Variants in RBFOX1 observed in about 807,000 individuals in gnomAD.
RBFOX1 encodes the protein RNA binding fox-1 homolog 1, also known as RNA binding protein fox-1 homolog 1.
A neutral mutation model predicts 57.7 loss-of-function variants in RBFOX1; 8 were observed. That is an observed-to-expected ratio of 0.14 (90% CI 0.08 to 0.25). The LOEUF is 0.25. Ranked by LOEUF, RBFOX1 falls within the 10% of genes least tolerant of loss-of-function variation. The probability of loss-of-function intolerance (pLI) is 1.00; values close to 1 mark genes in which losing one functional copy is unlikely to be tolerated. For synonymous variants in RBFOX1, 326 were observed against 222.4 expected (o/e 1.47, Z -4.15); for missense variants, 611 against 548.5 (o/e 1.11, Z -1.14).
intron 1 of RBFOX1, among the ~76,000 whole-genome samples, chr16:5,327,914 A>G (rs2064630540): frequency 6.6e-6 from 1 of 152,158 alleles, no homozygotes; most frequent in Non-Finnish European, 1.5e-5. Flanking sequence ...AAATGGTTGT[A>G]TCCCTTTCTG....
At chr16:5,313,869 A>G (rs1220327563) in intron 1 of RBFOX1, among the ~76,000 whole-genome samples, 2 of 152,116 alleles carry the variant, frequency 1.3e-5, no homozygotes, top group Non-Finnish European at 2.9e-5. Flanking sequence ...AACCATTTCA[A>G]AGACTTATGG....
chr16:6,565,923 GT>G (rs2153936136), intron 2 of RBFOX1, among the ~76,000 whole-genome samples: 1 of 152,282 alleles, frequency 6.6e-6, no homozygotes, highest in South Asian at 2.1e-4. Flanking sequence ...AATGTGCTTT[GT>G]TTTTGTTTTT....
At chr16:6,070,491 AT>A (rs2095822713) in intron 1 of RBFOX1, among the ~76,000 whole-genome samples, 1 of 152,204 alleles carries the variant, frequency 6.6e-6, no homozygotes, top group Non-Finnish European at 1.5e-5. Context: ...ACACTCAAAT[AT>A]CCCATTTCAA....
intron 4 of RBFOX1, among the ~76,000 whole-genome samples, chr16:7,078,000 G>C (rs952941361): frequency 6.6e-6 from 1 of 152,078 alleles, no homozygotes; most frequent in African/African-American, 2.4e-5. Flanking sequence ...TCTGGGGCCC[G>C]GTGAATGGAG....
chr16:6,760,069 G>C (rs1434415545), intron 3 of RBFOX1, among the ~76,000 whole-genome samples: 3 of 152,124 alleles, frequency 2.0e-5, no homozygotes, highest in African/African-American at 7.2e-5. Context: ...ATGGCTCGGG[G>C]AGTCCAAACT....
chr16:7,052,397 A>C (rs917973079), intron 4 of RBFOX1, among the ~76,000 whole-genome samples: 2 of 152,360 alleles, frequency 1.3e-5, no homozygotes, highest in Admixed American at 1.3e-4. Flanking sequence ...CACGAGGTCT[A>C]AGTAATAACA....
At chr16:6,641,915 G>A (rs1471031810) in intron 2 of RBFOX1, among the ~76,000 whole-genome samples, 1 of 152,038 alleles carries the variant, frequency 6.6e-6, no homozygotes, top group Non-Finnish European at 1.5e-5. Flanking sequence ...CCCAGTTAGG[G>A]CTTCTTCCAG....
intron 4 of RBFOX1, among the ~76,000 whole-genome samples, chr16:7,148,815 G>C (rs1245275301): frequency 1.3e-5 from 2 of 152,194 alleles, no homozygotes; most frequent in East Asian, 3.9e-4. Context: ...CTTGCCCTCA[G>C]ACAGGCTCTG....
chr16:6,634,698 TAC>T (rs375224280), intron 2 of RBFOX1, among the ~76,000 whole-genome samples: 2 of 36,316 alleles, frequency 5.5e-5, no homozygotes, highest in African/African-American at 1.1e-4. Context: ...AATACAAAGA[TAC>T]ATATTTGTAT....
intron 3 of RBFOX1, among the ~76,000 whole-genome samples, chr16:6,808,945 G>A (rs148608900): frequency 4.5e-4 from 69 of 152,290 alleles, no homozygotes; most frequent in Admixed American, 1.6e-3. Context: ...GAAGGACTCT[G>A]TACTTCTATA....
intron 3 of RBFOX1, among the ~76,000 whole-genome samples, chr16:6,780,328 TATATTTATAC>T (rs1216954900): frequency 1.1e-5 from 1 of 89,486 alleles, no homozygotes; most frequent in African/African-American, 5.4e-5. Context: ...CATATTTATA[TATATTTATAC>T]ATATTTATAT....
At chr16:6,521,069 C>T (rs935474942) in intron 2 of RBFOX1, among the ~76,000 whole-genome samples, 4 of 152,146 alleles carry the variant, frequency 2.6e-5, no homozygotes, top group African/African-American at 7.2e-5. Flanking sequence ...AGCAATTCCA[C>T]GCACAGGAAT....
chr16:6,884,734 C>G (rs568734712), intron 3 of RBFOX1, among the ~76,000 whole-genome samples: 2 of 152,140 alleles, frequency 1.3e-5, no homozygotes, highest in East Asian at 1.9e-4. Context: ...CCCATCTGTA[C>G]TAAAAATACA....
intron 5 of RBFOX1, among the ~76,000 whole-genome samples, chr16:7,544,220 G>T: frequency 6.6e-6 from 1 of 152,180 alleles, no homozygotes; most frequent in Non-Finnish European, 1.5e-5. Context: ...GTTACTTGAT[G>T]GTGATGTCTT....
intron 1 of RBFOX1, among the ~76,000 whole-genome samples, chr16:5,454,010 G>T (rs2068506282): frequency 6.6e-6 from 1 of 152,204 alleles, no homozygotes; most frequent in African/African-American, 2.4e-5. Flanking sequence ...GTTCCAGGAA[G>T]GGTGACTAAA....
intron 1 of RBFOX1, among the ~76,000 whole-genome samples, chr16:6,251,424 C>T (rs562433921): frequency 1.4e-4 from 21 of 152,230 alleles, no homozygotes; most frequent in African/African-American, 4.6e-4. Context: ...GGGGCAGGAA[C>T]TGAACTAAGG....
chr16:6,659,323 T>A (rs1159470057), intron 3 of RBFOX1, among the ~76,000 whole-genome samples: 1 of 152,126 alleles, frequency 6.6e-6, no homozygotes, highest in Non-Finnish European at 1.5e-5. Flanking sequence ...GCTATAAAAT[T>A]GCATGAAAGG....
chr16:7,410,736 T>G (rs1368741528), intron 4 of RBFOX1, among the ~76,000 whole-genome samples: 5 of 151,936 alleles, frequency 3.3e-5, no homozygotes, highest in African/African-American at 7.3e-5. Context: ...ACCCCTATCC[T>G]CCTCTCTTGG....
intron 3 of RBFOX1, among the ~76,000 whole-genome samples, chr16:6,866,576 C>G (rs577021304): frequency 1.2e-5 from 1 of 80,710 alleles, no homozygotes; most frequent in Non-Finnish European, 2.2e-5. Context: ...GAGTCTCGCT[C>G]TGTCCCCCAG....
Sources: gnomAD v4.1 joint callset for allele counts (sites outside exome capture counted in the v4.1 genomes callset) on GRCh38, gnomAD v4.1.1 for gene constraint, MANE v1.5 for transcripts, NCBI Gene and HGNC (gene_info 2026-07-23, HGNC 2026-07-21) for gene names.